AGAP1: variants seen among roughly 807,000 people sequenced by gnomAD.
AGAP1 encodes ArfGAP with GTPase domain, ankyrin repeat and PH domain 1, also known as arf-GAP with GTPase, ANK repeat and PH domain-containing protein 1.
AGAP1 carries 29 observed loss-of-function variants against 105.3 expected under a neutral mutation model. The ratio of observed to expected loss-of-function variants is 0.28; its 90% CI spans 0.21 to 0.38. The LOEUF (loss-of-function observed/expected upper bound fraction) is 0.38. Among genes scored for constraint, AGAP1 ranks in the 10% least tolerant of loss-of-function variants. The pLI is 1.00. For missense variants in AGAP1, 998 were observed against 1,165.1 expected (o/e 0.86, Z 2.09); for synonymous variants, 509 against 485.9 (o/e 1.05, Z -0.63).
In AGAP1 at chr2:236,027,684, G is replaced by A. The variant is rs190012606; in HGVS notation, c.1646-8877G>A. 2.6e-5 allele frequency among the ~76,000 whole-genome samples: 4 copies of A among 152,266 alleles called. No homozygotes were observed. The highest frequency in any genetic ancestry group is 1.9e-4 in the East Asian group (1 of 5,156). On this transcript the variant is annotated intron_variant, in intron 13 of 17. Coordinates refer to ENST00000304032, the MANE Select transcript of AGAP1 (RefSeq NM_001037131.3). The surrounding 1 kb of genome is among the most constrained non-coding windows in gnomAD (Gnocchi z 4.4). ...AGCTGATGCTGGACCCCGCATTGAC[G>A]AGACAGAGGGGGCCATCTTGTGCTT...
chr2:235,803,498 A>G (rs1957685730), intron 8 of AGAP1, among the ~76,000 whole-genome samples: 1 of 152,206 alleles, frequency 6.6e-6, no homozygotes, highest in Non-Finnish European at 1.5e-5. Flanking sequence ...TATGCAGACA[A>G]TCTTAGTGAA....
chr2:235,711,395 C>G (rs1206602521), intron 2 of AGAP1, among the ~76,000 whole-genome samples: 1 of 152,204 alleles, frequency 6.6e-6, no homozygotes, highest in African/African-American at 2.4e-5. Flanking sequence ...GGATGCTTAC[C>G]ACCAAAAACT....
In AGAP1 at chr2:235,983,039, T is replaced by C. The variant is rs1251986019; in HGVS notation, c.1645+14416T>C. ...TGTTCAGATGAGCGATGTGTGAGCATGAGGAGACATTCCTTAAGCCAGCCT... is the reference window on the plus strand; with the variant it reads ...TGTTCAGATGAGCGATGTGTGAGCACGAGGAGACATTCCTTAAGCCAGCCT... On this transcript the variant is annotated intron_variant, in intron 13 of 17. Transcript: ENST00000304032. The surrounding 1 kb of genome is among the most constrained non-coding windows in gnomAD (Gnocchi z 4.5). Among the ~76,000 whole-genome samples the C allele has an allele frequency of 3.9e-5, 6 of 152,198 alleles. No individual in the cohort carries two copies. Among genetic ancestry groups the C allele is most frequent in the African/African-American group, 1.4e-4 (6 of 41,456 alleles).
At chr2:235,748,900 G>C (rs1012540554) in intron 5 of AGAP1, among the ~76,000 whole-genome samples, 1 of 152,134 alleles carries the variant, frequency 6.6e-6, no homozygotes, top group African/African-American at 2.4e-5. Context: ...CTATGAAAAA[G>C]ATTCAGGTTA....
In AGAP1 at chr2:236,124,035, G is replaced by A. The variant is rs143254472; in HGVS notation, c.2487G>A (p.Glu829=). ...TGCTGCAGTACGGCTGCCCCGACGAGCGCTTCGTGCTCATGGCCACCCCTA... is the reference window on the plus strand; with the variant it reads ...TGCTGCAGTACGGCTGCCCCGACGAACGCTTCGTGCTCATGGCCACCCCTA... ...DVLLQYGCPD[E]RFVLMATPNL... The change falls in exon 18 of 18, where the codon GAG becomes GAA. Residue 829 remains glutamate (E), a synonymous_variant. Transcript: ENST00000304032. The surrounding 1 kb of genome is among the most constrained non-coding windows in gnomAD (Gnocchi z 5.1). The A allele has an allele frequency of 1.5e-3, 2,382 of 1,614,082 alleles. 3 individuals are homozygous for A. The highest frequency in any genetic ancestry group is 1.7e-3 in the Non-Finnish European group (2,048 of 1,180,000).
intron 10 of AGAP1, among the ~76,000 whole-genome samples, chr2:235,895,844 C>G (rs1281088541): frequency 6.6e-6 from 1 of 152,162 alleles, no homozygotes; most frequent in Non-Finnish European, 1.5e-5. Flanking sequence ...CCATGCAACA[C>G]TTTTAGGAAG....
chr2:235,727,273 C>T (rs530689251), intron 3 of AGAP1, among the ~76,000 whole-genome samples: 12 of 151,690 alleles, frequency 7.9e-5, no homozygotes, highest in South Asian at 6.3e-4. Context: ...CAGAAAAGGC[C>T]GGGAGGCAAG....
Position 235,887,135 on chromosome 2 carries a change from A to G in AGAP1, c.1155+3686A>G, listed in dbSNP as rs550613425. On this transcript the variant is annotated intron_variant, in intron 10 of 17. Transcript: ENST00000304032. The surrounding 1 kb of genome is among the most constrained non-coding windows in gnomAD (Gnocchi z 4.1). ...TTTCAAAAGATCGTAGAACCAGATG[A>G]TCTCAGTTAAACACGGACCATGCTG... Among the ~76,000 whole-genome samples the G allele has an allele frequency of 4.6e-5, 7 of 152,242 alleles. No homozygotes were observed. Among genetic ancestry groups the G allele is most frequent in the African/African-American group, 1.7e-4 (7 of 41,552 alleles).
In AGAP1 at chr2:235,725,868, A is replaced by G. The variant is rs1277546329; in HGVS notation, c.310+8224A>G. ...GAGGATCAGGTGATATTGTCTAAAA[A>G]TAGGTAAAGGATGCTAACATTATTA... On this transcript the variant is annotated intron_variant, in intron 3 of 17. Transcript: ENST00000304032. This position sits in a 1 kb window ranked among gnomAD's most constrained non-coding sequence, Gnocchi z 5.7. Among the ~76,000 whole-genome samples the G allele has an allele frequency of 6.6e-6, 1 of 152,234 alleles. No individual in the cohort carries two copies. The highest frequency in any genetic ancestry group is 6.5e-5 in the Admixed American group (1 of 15,286).
rs371191183 is a variant in AGAP1 at position 235,970,719 on chromosome 2, G to A, written c.1645+2096G>A. Among the ~76,000 whole-genome samples the A allele has an allele frequency of 1.3e-4, 20 of 152,280 alleles. No homozygotes were observed. The East Asian group carries it at 2.1e-3, about 16-fold the overall frequency. Reference sequence around the variant, plus strand: ...GTAAATGAGTGAATAAATCAGTAGCGTTTCTGCACATTTGATGGAGCAGCT... The same window carrying A: ...GTAAATGAGTGAATAAATCAGTAGCATTTCTGCACATTTGATGGAGCAGCT... On this transcript the variant is annotated intron_variant, in intron 13 of 17. Coordinates refer to ENST00000304032, the MANE Select transcript of AGAP1 (RefSeq NM_001037131.3). The surrounding 1 kb of genome is among the most constrained non-coding windows in gnomAD (Gnocchi z 5.4).
rs540522321 is a variant in AGAP1, at chr2:235,754,060, G to T, written c.673+3572G>T. 6.6e-6 allele frequency among the ~76,000 whole-genome samples: 1 copy of T among 152,292 alleles called. No individual in the cohort carries two copies. Among genetic ancestry groups the T allele is most frequent in the Non-Finnish European group, 1.5e-5 (1 of 68,014 alleles). On this transcript the variant is annotated intron_variant, in intron 6 of 17. Transcript: ENST00000304032. This position sits in a 1 kb window ranked among gnomAD's most constrained non-coding sequence, Gnocchi z 4.6. The stretch of plus-strand genomic sequence containing the variant: ...AAAGTTGAAGAAATTGAGGCTCAGA[G>T]AAATGACATAGCTTGACCCAAAGGG...
chr2:235,818,610 G>A (rs1210746781), intron 9 of AGAP1, among the ~76,000 whole-genome samples: 7 of 151,942 alleles, frequency 4.6e-5, no homozygotes, highest in South Asian at 2.1e-4. Context: ...GCCCAGCTAC[G>A]TTTTGTATTT....
chr2:235,696,428 AGG>A (rs1950000599), intron 1 of AGAP1, among the ~76,000 whole-genome samples: 1 of 152,156 alleles, frequency 6.6e-6, no homozygotes, highest in African/African-American at 2.4e-5. Context: ...GTGAGGTCCC[AGG>A]GTGCACAGTG....
intron 16 of AGAP1, among the ~76,000 whole-genome samples, chr2:236,097,373 T>A (rs1004649126): frequency 2.2e-5 from 3 of 138,648 alleles, no homozygotes; most frequent in Non-Finnish European, 4.6e-5. Context: ...AAATTTGTCA[T>A]CCTAATCTTT....
chr2:235,686,550 T>TACACACACACACACACAC (rs530198533), intron 1 of AGAP1, among the ~76,000 whole-genome samples: 9 of 90,202 alleles, frequency 1.0e-4, no homozygotes, highest in African/African-American at 4.8e-4. Flanking sequence ...GAAGGAGATA[T>TACACACACACACACACAC]ATATATACAC....
chr2:235,928,722 T>G (rs1165367288), intron 11 of AGAP1, among the ~76,000 whole-genome samples: 1 of 152,146 alleles, frequency 6.6e-6, no homozygotes, highest in Non-Finnish European at 1.5e-5. Flanking sequence ...GGGGTCTGAA[T>G]GCCCTATTGT....
In AGAP1 at chr2:236,045,569, T is replaced by C. The variant is rs1014537736; in HGVS notation, c.1892-3490T>C. The stretch of plus-strand genomic sequence containing the variant: ...TGCTAGCAGGTGGCACGCACACAGG[T>C]GTGAGGGCCTGGAGAGCAGGCAGGG... On this transcript the variant is annotated intron_variant, in intron 15 of 17. Coordinates refer to ENST00000304032, the MANE Select transcript of AGAP1 (RefSeq NM_001037131.3). The surrounding 1 kb of genome is among the most constrained non-coding windows in gnomAD (Gnocchi z 6.9). 6.6e-6 allele frequency among the ~76,000 whole-genome samples: 1 copy of C among 151,922 alleles called. No individual in the cohort carries two copies. Among genetic ancestry groups the C allele is most frequent in the Non-Finnish European group, 1.5e-5 (1 of 67,964 alleles).
intron 1 of AGAP1, among the ~76,000 whole-genome samples, chr2:235,667,517 G>A (rs1948165411): frequency 6.6e-6 from 1 of 152,118 alleles, no homozygotes; most frequent in Non-Finnish European, 1.5e-5. Flanking sequence ...TTACTGAGGA[G>A]CTGTGTAGCC....
intron 1 of AGAP1, among the ~76,000 whole-genome samples, chr2:235,496,080 G>A (rs1941308309): frequency 6.6e-6 from 1 of 152,224 alleles, no homozygotes; most frequent in Non-Finnish European, 1.5e-5. Context: ...TACTAACCCC[G>A]AAGTGCTTTG....
Sources: allele counts gnomAD v4.1 joint callset (sites outside exome capture counted in the v4.1 genomes callset), GRCh38; gene constraint gnomAD v4.1.1; non-coding constraint Gnocchi (gnomAD v3.1); transcripts MANE v1.5; gene names NCBI Gene and HGNC (gene_info 2026-07-23, HGNC 2026-07-21).